Variants in LGSN observed in about 807,000 individuals in gnomAD.
The protein encoded by LGSN is lengsin.
LGSN carries 21 observed loss-of-function variants against 19.5 expected under a neutral mutation model. The ratio of observed to expected loss-of-function variants is 1.07; its 90% CI spans 0.76 to 1.55. The LOEUF is 1.55. Among genes scored for constraint, LGSN ranks in the 40% most tolerant of loss-of-function variants. The pLI, the probability that LGSN is intolerant of heterozygous loss-of-function variation, is 0.00. For missense variants in LGSN, 673 were observed against 608.5 expected (o/e 1.11, Z -1.12); for synonymous variants, 257 against 215.6 (o/e 1.19, Z -1.68).
the LGSN span, among the ~76,000 whole-genome samples, chr6:63,452,579 A>T: frequency 6.6e-6 from 1 of 151,886 alleles, no homozygotes; most frequent in Non-Finnish European, 1.5e-5. Flanking sequence ...TTCATAATAT[A>T]TTTATTTTTT....
At chr6:63,440,545 C>T in the LGSN span, among the ~76,000 whole-genome samples, 11 of 152,158 alleles carry the variant, frequency 7.2e-5, no homozygotes, top group African/African-American at 2.7e-4. Flanking sequence ...AAACAATTTC[C>T]TTCCTGTATA....
At chr6:63,564,631 AACCT>A in the LGSN span, among the ~76,000 whole-genome samples, 1 of 152,178 alleles carries the variant, frequency 6.6e-6, no homozygotes, top group African/African-American at 2.4e-5. Context: ...ATGCATATCC[AACCT>A]TTAAAATTTA....
chr6:63,529,724 T>A, the LGSN span, among the ~76,000 whole-genome samples: 1 of 152,212 alleles, frequency 6.6e-6, no homozygotes, highest in Non-Finnish European at 1.5e-5. Context: ...TTATGCATTT[T>A]ATCACACAGT....
chr6:63,486,284 G>A, the LGSN span, among the ~76,000 whole-genome samples: 4 of 152,080 alleles, frequency 2.6e-5, no homozygotes, highest in African/African-American at 9.7e-5. Flanking sequence ...ATAAGAATGG[G>A]AATTTGCCTT....
At chr6:63,526,675 G>A in the LGSN span, among the ~76,000 whole-genome samples, 1 of 151,334 alleles carries the variant, frequency 6.6e-6, no homozygotes, top group African/African-American at 2.4e-5. Flanking sequence ...GGACGTGGTG[G>A]CGTGTGCCTG....
intron 1 of LGSN, among the ~76,000 whole-genome samples, chr6:63,311,401 G>A (rs965075623): frequency 6.6e-6 from 1 of 152,106 alleles, no homozygotes; most frequent in African/African-American, 2.4e-5. Context: ...GAACAATTAG[G>A]GCAAATTGAT....
the LGSN span, among the ~76,000 whole-genome samples, chr6:63,530,637 G>T: frequency 6.6e-6 from 1 of 152,056 alleles, no homozygotes; most frequent in Non-Finnish European, 1.5e-5. Context: ...TAGAAAAAAA[G>T]GAGAAGATAA....
chr6:63,335,180 G>T, the LGSN span, among the ~76,000 whole-genome samples: 1 of 150,834 alleles, frequency 6.6e-6, no homozygotes. Context: ...AGAAAGGACA[G>T]TCTCTTTGAT....
chr6:63,557,759 T>C, the LGSN span, among the ~76,000 whole-genome samples: 1 of 152,156 alleles, frequency 6.6e-6, no homozygotes, highest in Admixed American at 6.5e-5. Flanking sequence ...AAGGCAGTCA[T>C]GATCTTGAAG....
At chr6:63,315,618 CTGTGTGTGTGTGTGTG>C (rs10601946) in intron 1 of LGSN, among the ~76,000 whole-genome samples, 1 of 138,162 alleles carries the variant, frequency 7.2e-6, no homozygotes, top group South Asian at 2.5e-4. Context: ...CTCTCTCTCT[CTGTGTGTGTGTGTGTG>C]TGTGTGTGTG....
chr6:63,334,262 C>T, the LGSN span, among the ~76,000 whole-genome samples: 1 of 152,038 alleles, frequency 6.6e-6, no homozygotes, highest in African/African-American at 2.4e-5. Context: ...ATAAATTCAG[C>T]AAAGTTGCAA....
chr6:63,371,530 G>A, the LGSN span, among the ~76,000 whole-genome samples: 3 of 152,268 alleles, frequency 2.0e-5, no homozygotes, highest in Middle Eastern at 3.4e-3. Flanking sequence ...CTCCGTTAGA[G>A]CCATCTGGTG....
chr6:63,367,856 C>T, the LGSN span, among the ~76,000 whole-genome samples: 1 of 151,808 alleles, frequency 6.6e-6, no homozygotes, highest in Non-Finnish European at 1.5e-5. Context: ...AAACTAAACA[C>T]TGCATGTTCT....
chr6:63,306,298 A>T (rs1254742327), intron 1 of LGSN, among the ~76,000 whole-genome samples: 1 of 152,218 alleles, frequency 6.6e-6, no homozygotes, highest in African/African-American at 2.4e-5. Context: ...ATTTTATTTG[A>T]GGTGCTTCCT....
chr6:63,367,741 G>A, the LGSN span, among the ~76,000 whole-genome samples: 2 of 141,584 alleles, frequency 1.4e-5, no homozygotes, highest in Admixed American at 6.8e-5. Context: ...CACATATACA[G>A]CATGGAATAC....
chr6:63,549,467 C>G, the LGSN span: 2 of 795,078 alleles, frequency 2.5e-6, no homozygotes, highest in Non-Finnish European at 2.2e-6. Context: ...ACAGCAGGGC[C>G]GGAGCCACCT....
At chr6:63,358,592 C>T in the LGSN span, among the ~76,000 whole-genome samples, 38 of 152,190 alleles carry the variant, frequency 2.5e-4, no homozygotes, top group African/African-American at 9.2e-4. Flanking sequence ...CTCTTTGAAG[C>T]AATTGTGAAT....
At chr6:63,422,922 G>T in the LGSN span, among the ~76,000 whole-genome samples, 1 of 152,070 alleles carries the variant, frequency 6.6e-6, no homozygotes, top group Non-Finnish European at 1.5e-5. Context: ...GACAGAGATT[G>T]GCATAGTGGA....
At chr6:63,562,201 C>CTT in the LGSN span, among the ~76,000 whole-genome samples, 36 of 137,320 alleles carry the variant, frequency 2.6e-4, no homozygotes, top group Admixed American at 9.5e-4. Flanking sequence ...TTTTCTTTTT[C>CTT]TTTTTTTTTT....
Sources: allele counts gnomAD v4.1 joint callset (sites outside exome capture counted in the v4.1 genomes callset), GRCh38; gene constraint gnomAD v4.1.1; transcripts MANE v1.5; gene names NCBI Gene and HGNC (gene_info 2026-07-23, HGNC 2026-07-21).